The following SH3RF2 variants were observed in gnomAD, a reference collection of about 807,000 sequenced individuals.
SH3RF2 encodes E3 ubiquitin-protein ligase SH3RF2.
Under a neutral mutation model 59.0 loss-of-function variants are expected in SH3RF2, and 43 were observed. The ratio of observed to expected loss-of-function variants is 0.73; its 90% CI spans 0.57 to 0.94. SH3RF2 has a LOEUF of 0.94. SH3RF2 is among the 40% of genes least tolerant of loss of function. The probability of loss-of-function intolerance (pLI) is 0.00; values close to 1 mark genes in which losing one functional copy is unlikely to be tolerated. For synonymous variants in SH3RF2, 391 were observed against 391.5 expected (o/e 1.00, Z 0.01); for missense variants, 930 against 940.1 (o/e 0.99, Z 0.14).
At chr5:146,067,133 A>C (rs1239678455), downstream of SH3RF2, among the ~76,000 whole-genome samples, 1 of 152,136 alleles carries the variant, frequency 6.6e-6, no homozygotes, top group East Asian at 1.9e-4. Context: ...TCCCACAGAC[A>C]GGGCTTTCAG....
intron 5 of SH3RF2, among the ~76,000 whole-genome samples, chr5:146,029,601 G>T (rs1761670677): frequency 6.6e-6 from 1 of 152,144 alleles, no homozygotes; most frequent in African/African-American, 2.4e-5. Flanking sequence ...ACAAGCTTCT[G>T]TGCTATTTGC....
chr5:145,960,983 C>T lies in SH3RF2; in HGVS notation c.378+22677C>T, dbSNP rs189147118. Among the ~76,000 whole-genome samples, 18 of 152,282 alleles carry T rather than the reference C, an allele frequency of 1.2e-4. 1 individual carries two copies. The highest frequency in any genetic ancestry group is 3.3e-4 in the Admixed American group (5 of 15,294). ...TCACAGGTAGTGTGATATCTGATAG[C>T]AGCAAGCAGCTGATGGAAATTTTTT... On this transcript the variant is annotated intron_variant, in intron 2 of 9. Transcript: ENST00000359120.
intron 9 of SH3RF2, among the ~76,000 whole-genome samples, chr5:146,072,932 TTAAG>T (rs1458394571): frequency 6.6e-5 from 10 of 152,228 alleles, no homozygotes; most frequent in African/African-American, 1.7e-4. Context: ...TTGGTGGGGA[TTAAG>T]TGAGACAATG....
chr5:145,969,080 C>A (rs1010912805), intron 2 of SH3RF2, among the ~76,000 whole-genome samples: 4 of 152,098 alleles, frequency 2.6e-5, no homozygotes, highest in African/African-American at 9.7e-5. Context: ...CAGGCTAGAA[C>A]TTACTTGCTA....
chr5:146,010,313 A>G (rs1316701706), intron 4 of SH3RF2, among the ~76,000 whole-genome samples: 1 of 152,176 alleles, frequency 6.6e-6, no homozygotes, highest in Non-Finnish European at 1.5e-5. Context: ...AGTCTTTGCT[A>G]TTGTGAATAG....
chr5:145,949,819 A>T (rs1209668621), intron 2 of SH3RF2, among the ~76,000 whole-genome samples: 1 of 148,730 alleles, frequency 6.7e-6, no homozygotes, highest in East Asian at 2.1e-4. Context: ...TGTATTCGAA[A>T]GAAAAATAAT....
intron 2 of SH3RF2, among the ~76,000 whole-genome samples, chr5:145,988,305 C>T (rs1474761563): frequency 6.6e-6 from 1 of 151,498 alleles, no homozygotes; most frequent in Non-Finnish European, 1.5e-5. Context: ...ACATTGTTAG[C>T]TTAGACTATC....
At chr5:146,034,011 A>G (rs1204446365) in intron 5 of SH3RF2, among the ~76,000 whole-genome samples, 1 of 152,206 alleles carries the variant, frequency 6.6e-6, no homozygotes, top group East Asian at 1.9e-4. Context: ...CTCAACAAAC[A>G]TTTACTGACT....
chr5:145,997,070 G>A, intron 2 of SH3RF2: 1 of 552,326 alleles, frequency 1.8e-6, no homozygotes. Flanking sequence ...GTGTACATGT[G>A]AAGGTTTGTT....
downstream of SH3RF2, among the ~76,000 whole-genome samples, chr5:146,064,846 AAGAAAGAAAGAAAGAAAG>A (rs1336030016): frequency 0.047 from 851 of 17,990 alleles, 63 homozygotes; most frequent in Non-Finnish European, 0.24. Context: ...GAAAGAAAGA[AAGAAAGAAAGAAAGAAAG>A]AGAAAGAAAA....
At chr5:145,980,458 C>A (rs1447207792) in intron 2 of SH3RF2, among the ~76,000 whole-genome samples, 1 of 152,216 alleles carries the variant, frequency 6.6e-6, no homozygotes, top group Non-Finnish European at 1.5e-5. Context: ...AGCTGCTTAG[C>A]ATTCCACAGT....
chr5:146,062,295 C>G, intron 9 of SH3RF2, 131 bp from the exon 10 acceptor site: 1 of 1,179,738 alleles, frequency 8.5e-7, no homozygotes, highest in South Asian at 1.5e-5. Flanking sequence ...CATCTTAGCA[C>G]TTGACACTCA....
intron 2 of SH3RF2, among the ~76,000 whole-genome samples, chr5:145,964,067 C>T (rs949459510): frequency 1.3e-5 from 2 of 151,916 alleles, no homozygotes; most frequent in African/African-American, 2.4e-5. Flanking sequence ...CTCCTGACCT[C>T]GTGATCTACC....
intron 5 of SH3RF2, among the ~76,000 whole-genome samples, chr5:146,030,344 C>T (rs1270469457): frequency 2.0e-5 from 3 of 152,200 alleles, no homozygotes; most frequent in South Asian, 4.1e-4. Context: ...GGAGCATATA[C>T]TCAGGTGACA....
chr5:145,958,596 A>G (rs1004663129), intron 2 of SH3RF2, among the ~76,000 whole-genome samples: 1 of 152,252 alleles, frequency 6.6e-6, no homozygotes, highest in African/African-American at 2.4e-5. Context: ...TTAAAGGGCC[A>G]TAAAACACAT....
intron 5 of SH3RF2, among the ~76,000 whole-genome samples, chr5:146,035,203 T>C (rs1761888896): frequency 6.6e-6 from 1 of 152,058 alleles, no homozygotes; most frequent in African/African-American, 2.4e-5. Flanking sequence ...TTCGTTGTTG[T>C]CGCTGTAATA....
rs144231034 is a variant in SH3RF2, at chr5:146,004,562, A to C, written c.744+409A>C. ...TGGTATATAATTATGAAAAAACAGA[A>C]ATACTCTAAATATTCAACAATAAGG... On this transcript the variant is annotated intron_variant, in intron 4 of 9. Transcript: ENST00000359120. 3.9e-3 allele frequency among the ~76,000 whole-genome samples: 598 copies of C among 152,296 alleles called. 5 individuals are homozygous for C. The highest frequency in any genetic ancestry group is 0.014 in the African/African-American group (567 of 41,554).
intron 7 of SH3RF2, 62 bp from the exon 8 acceptor site, chr5:146,055,919 C>T: frequency 6.4e-7 from 1 of 1,562,314 alleles, no homozygotes; most frequent in South Asian, 1.2e-5. Flanking sequence ...TTAAATAGGA[C>T]TCTTGACTGA....
intron 5 of SH3RF2, among the ~76,000 whole-genome samples, chr5:146,017,675 CA>C (rs1761157273): frequency 6.6e-6 from 1 of 152,114 alleles, no homozygotes; most frequent in African/African-American, 2.4e-5. Context: ...TTCAGCTAAT[CA>C]GTAAGCTCAT....
Sources: gnomAD v4.1 joint callset for allele counts (sites outside exome capture counted in the v4.1 genomes callset) on GRCh38, gnomAD v4.1.1 for gene constraint, MANE v1.5 for transcripts, NCBI Gene and HGNC (gene_info 2026-07-23, HGNC 2026-07-21) for gene names.